Variants in SPATA13 observed in about 807,000 individuals in gnomAD.
SPATA13 encodes the protein spermatogenesis associated 13.
A neutral mutation model predicts 104.0 loss-of-function variants in SPATA13; 50 were observed. That is an observed-to-expected ratio of 0.48 (90% CI 0.38 to 0.61). The LOEUF (loss-of-function observed/expected upper bound fraction) is 0.61, where lower values mean the gene tolerates loss of function less well. Among genes scored for constraint, SPATA13 ranks in the 20% least tolerant of loss-of-function variants. The pLI, the probability that SPATA13 is intolerant of heterozygous loss-of-function variation, is 0.00. For synonymous variants in SPATA13, 606 were observed against 667.5 expected, an observed-to-expected ratio of 0.91 and a Z score of 1.42; for missense variants, 1,524 against 1,690.6, an observed-to-expected ratio of 0.90 and a Z score of 1.73.
In SPATA13 at chr13:24,306,470, G is replaced by C. The variant is rs1235372867; in HGVS notation, c.*3697G>C. ...TGTCCTTTCACCAGCTCACAGGCCA[G>C]AAATGGAGGACCCAAGTCAACTAGG... On this transcript the variant is annotated 3_prime_UTR_variant, in exon 13 of 13. Coordinates refer to ENST00000382108, the MANE Select transcript of SPATA13 (RefSeq NM_001166271.3). The C allele has an allele frequency of 6.6e-6, 1 of 152,204 alleles. No individual in the cohort carries two copies. The highest frequency in any genetic ancestry group is 1.5e-5 in the Non-Finnish European group (1 of 68,042). 9.4% of individuals were successfully genotyped at this position (152,204 alleles called of 1,614,324 possible).
At chr13:24,278,972 C>T in intron 4 of SPATA13, among the ~76,000 whole-genome samples, 1 of 36,860 alleles carries the variant, frequency 2.7e-5, no homozygotes, top group East Asian at 2.2e-3. Flanking sequence ...TTCCCTCCTT[C>T]CCTCCCTCCC....
At chr13:24,101,503 A>G (rs1339080911) in intron 3 of SPATA13, among the ~76,000 whole-genome samples, 1 of 151,578 alleles carries the variant, frequency 6.6e-6, no homozygotes, top group Non-Finnish European at 1.5e-5. Context: ...AAAACAACAC[A>G]TAAAACTTAC....
chr13:24,142,530 A>ACGGGG (rs1173029847), intron 3 of SPATA13, among the ~76,000 whole-genome samples: 1 of 152,134 alleles, frequency 6.6e-6, no homozygotes, highest in Non-Finnish European at 1.5e-5. Context: ...CAGAAATATC[A>ACGGGG]CAGAACAGAT....
At chr13:23,989,519 A>G (rs1875309397) in intron 2 of SPATA13, among the ~76,000 whole-genome samples, 1 of 152,210 alleles carries the variant, frequency 6.6e-6, no homozygotes, top group South Asian at 2.1e-4. Context: ...AAAATAGCGT[A>G]TTATTAAATA....
At chr13:24,003,585 T>C (rs1004451944) in intron 2 of SPATA13, among the ~76,000 whole-genome samples, 1 of 152,340 alleles carries the variant, frequency 6.6e-6, no homozygotes, top group South Asian at 2.1e-4. Flanking sequence ...GATTAGAACC[T>C]TCATCGTGTA....
At chr13:24,046,230 C>G (rs571519745) in intron 3 of SPATA13, among the ~76,000 whole-genome samples, 1 of 151,884 alleles carries the variant, frequency 6.6e-6, no homozygotes, top group East Asian at 1.9e-4. Flanking sequence ...CCTGTCACCT[C>G]CTAGTCAATT....
At chr13:24,195,744 A>G (rs1299551759) in intron 1 of SPATA13, among the ~76,000 whole-genome samples, 2 of 151,992 alleles carry the variant, frequency 1.3e-5, no homozygotes, top group African/African-American at 4.8e-5. Context: ...GTAATATCTG[A>G]TTTTGCTTTC....
chr13:24,160,606 G>A (rs957367070), upstream of SPATA13: 1 of 545,310 alleles, frequency 1.8e-6, no homozygotes, highest in Admixed American at 6.4e-5. Flanking sequence ...GCGTGGCCGA[G>A]GGTGTGGCCT....
In SPATA13 at chr13:24,176,387, G is replaced by T. The variant is rs978752866; in HGVS notation, c.-112+15455G>T. Among the ~76,000 whole-genome samples, 4 of 152,072 alleles carry T rather than the reference G, an allele frequency of 2.6e-5. No individual in the cohort carries two copies. In the South Asian group the frequency reaches 8.3e-4, roughly 32 times the overall value. ...ACTTTGGAAGGGCAGCAAAGACCTT[G>T]GTCTATTACTTTTCATGTAATCTTT... is the stretch of plus-strand genomic sequence containing the variant. On this transcript the variant is annotated intron_variant, in intron 1 of 12. Coordinates refer to ENST00000382108, the MANE Select transcript of SPATA13 (RefSeq NM_001166271.3).
At chr13:24,135,697 CAAAAAAAA>C (rs34145507) in intron 3 of SPATA13, among the ~76,000 whole-genome samples, 7 of 82,328 alleles carry the variant, frequency 8.5e-5, no homozygotes, top group Non-Finnish European at 1.6e-4. Context: ...GAATCCGTCT[CAAAAAAAA>C]AAAAAAAAAA....
At chr13:24,234,274 A>G (rs1224821487) in intron 2 of SPATA13, among the ~76,000 whole-genome samples, 1 of 152,220 alleles carries the variant, frequency 6.6e-6, no homozygotes, top group Non-Finnish European at 1.5e-5. Context: ...ATTTTATCTT[A>G]ATTAGCACCT....
At chr13:24,089,009 G>A (rs990392002) in intron 3 of SPATA13, among the ~76,000 whole-genome samples, 9 of 152,198 alleles carry the variant, frequency 5.9e-5, no homozygotes, top group African/African-American at 1.9e-4. Flanking sequence ...CACAAATGCT[G>A]ATGAGGATGG....
intron 2 of SPATA13, among the ~76,000 whole-genome samples, chr13:23,991,495 G>A (rs796570592): frequency 1.3e-5 from 2 of 152,154 alleles, no homozygotes; most frequent in African/African-American, 4.8e-5. Flanking sequence ...AAATTTACAG[G>A]GAATGTTGTG....
At chr13:24,143,464 C>T (rs1235349570) in intron 3 of SPATA13, among the ~76,000 whole-genome samples, 2 of 152,182 alleles carry the variant, frequency 1.3e-5, no homozygotes, top group Non-Finnish European at 2.9e-5. Context: ...GCTCTCATTC[C>T]TATGTTCTTT....
At chr13:24,270,888 TG>T in intron 4 of SPATA13, 1 of 1,612,738 alleles carries the variant, frequency 6.2e-7, no homozygotes, top group Non-Finnish European at 8.5e-7. Flanking sequence ...AGCAAGATTC[TG>T]GAGTCTGGAA....
chr13:23,988,277 T>C (rs1875247991), intron 2 of SPATA13, among the ~76,000 whole-genome samples: 1 of 152,186 alleles, frequency 6.6e-6, no homozygotes, highest in African/African-American at 2.4e-5. Context: ...CTGAGTAATA[T>C]TCCATAATGT....
chr13:24,028,946 C>G (rs58183046), intron 3 of SPATA13, among the ~76,000 whole-genome samples: 19,493 of 152,018 alleles, frequency 0.13, 1,726 homozygotes, highest in East Asian at 0.51. Context: ...TAATCTACAT[C>G]TAATAATTTT....
intron 1 of SPATA13, among the ~76,000 whole-genome samples, chr13:24,180,726 T>C (rs1868744965): frequency 6.6e-6 from 1 of 152,260 alleles, no homozygotes; most frequent in African/African-American, 2.4e-5. Context: ...TATTTTGTTC[T>C]TTCTGATGCT....
intron 3 of SPATA13, among the ~76,000 whole-genome samples, chr13:24,115,764 G>A (rs1460128539): frequency 6.6e-6 from 1 of 152,214 alleles, no homozygotes; most frequent in African/African-American, 2.4e-5. Context: ...CAAGGTATCA[G>A]CGGAGGCCGT....
Sources: allele counts gnomAD v4.1 joint callset (sites outside exome capture counted in the v4.1 genomes callset), GRCh38; gene constraint gnomAD v4.1.1; transcripts MANE v1.5; gene names NCBI Gene and HGNC (gene_info 2026-07-23, HGNC 2026-07-21).